PLCXD3: variants seen among roughly 807,000 people sequenced by gnomAD.
The protein encoded by PLCXD3 is PI-PLC X domain-containing protein 3.
A neutral mutation model predicts 25.5 loss-of-function variants in PLCXD3; 19 were observed. The observed-to-expected ratio is 0.75, with a 90% confidence interval of 0.52 to 1.09. PLCXD3 has a LOEUF of 1.09. Ranked by LOEUF, PLCXD3 falls within the 50% of genes least tolerant of loss-of-function variation. PLCXD3 has a pLI of 0.00. For synonymous variants in PLCXD3, 174 were observed against 137.6 expected (o/e 1.26, Z -1.85); for missense variants, 411 against 388.1 (o/e 1.06, Z -0.50).
intron 2 of PLCXD3, among the ~76,000 whole-genome samples, chr5:41,325,429 A>G (rs943029789): frequency 4.6e-5 from 7 of 152,188 alleles, no homozygotes; most frequent in Admixed American, 6.5e-5. Context: ...TTAGGATAGC[A>G]TTTCTTAATC....
At chr5:41,386,890 C>G (rs1745653351) in intron 1 of PLCXD3, among the ~76,000 whole-genome samples, 1 of 151,908 alleles carries the variant, frequency 6.6e-6, no homozygotes, top group Non-Finnish European at 1.5e-5. Context: ...TCCTTATCAC[C>G]AGGAAGTGCA....
At chr5:41,342,821 T>A (rs1370042210) in intron 2 of PLCXD3, among the ~76,000 whole-genome samples, 4 of 152,158 alleles carry the variant, frequency 2.6e-5, no homozygotes, top group Non-Finnish European at 5.9e-5. Context: ...ACTTAGCTAT[T>A]TTAATAAGCT....
Position 41,391,758 on chromosome 5 carries a change from G to A in PLCXD3, c.104-9224C>T, listed in dbSNP as rs143719657. On this transcript the variant is annotated intron_variant, in intron 1 of 2. Coordinates refer to ENST00000377801, the MANE Select transcript of PLCXD3 (RefSeq NM_001005473.3). ...CACCAAGTGGGTTCTTGGGGTCCTC[G>A]ATTTCAGGACTTGACTCTTGAACAG... Among the ~76,000 whole-genome samples, 12 of 152,254 alleles carry A rather than the reference G, an allele frequency of 7.9e-5. 1 individual carries two copies. The highest frequency in any genetic ancestry group is 1.4e-4 in the African/African-American group (6 of 41,564).
chr5:41,488,157 G>C (rs936757999), intron 1 of PLCXD3, among the ~76,000 whole-genome samples: 1 of 149,770 alleles, frequency 6.7e-6, no homozygotes, highest in South Asian at 2.1e-4. Context: ...TCCCACCTAT[G>C]AGTGAGAATA....
chr5:41,400,220 C>G (rs553684345), intron 1 of PLCXD3, among the ~76,000 whole-genome samples: 4 of 152,130 alleles, frequency 2.6e-5, no homozygotes, highest in African/African-American at 7.2e-5. Context: ...GAAAAGGAAA[C>G]GCTTACACAC....
intron 1 of PLCXD3, among the ~76,000 whole-genome samples, chr5:41,443,245 T>A (rs1747422076): frequency 6.6e-6 from 1 of 151,980 alleles, no homozygotes; most frequent in African/African-American, 2.4e-5. Context: ...TATGTTTAGA[T>A]ACCCAAAGAC....
intron 1 of PLCXD3, among the ~76,000 whole-genome samples, chr5:41,400,336 G>T (rs937328641): frequency 6.6e-6 from 1 of 151,912 alleles, no homozygotes; most frequent in African/African-American, 2.4e-5. Flanking sequence ...CCCACTGCTG[G>T]GTATATACCC....
In PLCXD3 at chr5:41,403,398, G is replaced by GTTTTTTTTTTTTTTTTGT. The variant is rs764950342; in HGVS notation, c.104-20865_104-20864insACAAAAAAAAAAAAAAAA. On this transcript the variant is annotated intron_variant, in intron 1 of 2. Transcript: ENST00000377801. The stretch of plus-strand genomic sequence containing the variant: ...GCCATTTACCCAGATTGACTTATTT[G>GTTTTTTTTTTTTTTTTGT]TTGTTTTTTTTTTTTTTTATTATAC... Among the ~76,000 whole-genome samples the GTTTTTTTTTTTTTTTTGT allele has an allele frequency of 1.5e-4, 5 of 33,998 alleles. 1 individual carries two copies. Among genetic ancestry groups the GTTTTTTTTTTTTTTTTGT allele is most frequent in the Non-Finnish European group, 2.6e-4 (4 of 15,344 alleles). The allele number at this position is 33,998 out of a possible 152,430, so 22.3% of individuals were successfully genotyped here. A position where few individuals can be genotyped will look rare whatever the true frequency, so the allele number is the denominator to read the frequency against.
intron 1 of PLCXD3, among the ~76,000 whole-genome samples, chr5:41,489,081 T>G (rs1487518296): frequency 1.3e-5 from 2 of 152,252 alleles, no homozygotes; most frequent in Non-Finnish European, 2.9e-5. Context: ...TTTAAGTCTT[T>G]AACCCACCTT....
At chr5:41,467,538 C>A (rs1249814546) in intron 1 of PLCXD3, among the ~76,000 whole-genome samples, 2 of 152,128 alleles carry the variant, frequency 1.3e-5, no homozygotes, top group Non-Finnish European at 1.5e-5. Flanking sequence ...CTCTGCTGTG[C>A]AGAAGCTTGT....
intron 2 of PLCXD3, among the ~76,000 whole-genome samples, chr5:41,314,077 A>T (rs1223943045): frequency 6.6e-6 from 1 of 152,256 alleles, no homozygotes; most frequent in Non-Finnish European, 1.5e-5. Flanking sequence ...TTCTGATTTA[A>T]CATGGTGTCA....
At chr5:41,364,725 G>A (rs560058858) in intron 2 of PLCXD3, among the ~76,000 whole-genome samples, 1 of 152,118 alleles carries the variant, frequency 6.6e-6, no homozygotes, top group African/African-American at 2.4e-5. Context: ...GCAGTGCAAA[G>A]GCCAACCACA....
At chr5:41,365,911 ATT>A (rs1744922414) in intron 2 of PLCXD3, among the ~76,000 whole-genome samples, 1 of 2,506 alleles carries the variant, frequency 4.0e-4, no homozygotes, top group Admixed American at 3.0e-3. Flanking sequence ...ATAGGTCACC[ATT>A]TATTTATTTA....
At chr5:41,426,379 T>C (rs1484413226) in intron 1 of PLCXD3, among the ~76,000 whole-genome samples, 5 of 152,116 alleles carry the variant, frequency 3.3e-5, no homozygotes, top group Non-Finnish European at 7.4e-5. Flanking sequence ...ATTTATGCTT[T>C]CCAATTGCCA....
chr5:41,451,639 CTCT>C (rs1561277441), intron 1 of PLCXD3, among the ~76,000 whole-genome samples: 1 of 147,920 alleles, frequency 6.8e-6, no homozygotes. Context: ...TCTTTCCTCT[CTCT>C]TTTTTTTTTT....
intron 2 of PLCXD3, among the ~76,000 whole-genome samples, chr5:41,372,732 C>A (rs1409620273): frequency 2.0e-5 from 3 of 151,902 alleles, no homozygotes; most frequent in Admixed American, 1.3e-4. Flanking sequence ...ACCAAAAGGA[C>A]CCCAGAGAAA....
chr5:41,453,081 C>T (rs930587849), intron 1 of PLCXD3, among the ~76,000 whole-genome samples: 2 of 151,914 alleles, frequency 1.3e-5, no homozygotes, highest in Non-Finnish European at 2.9e-5. Context: ...CTATAGTCAC[C>T]ATGTTGTACA....
chr5:41,313,719 A>C lies in PLCXD3; in HGVS notation c.864T>G (p.Ser288Arg). Residue 288 changes from serine (S) to arginine (R), a missense_variant, in exon 3 of 3, where the codon AGT becomes AGG. Ser to Arg is a moderately radical substitution (Grantham distance 110, BLOSUM62 -1). Transcript: ENST00000377801. The stretch of plus-strand genomic sequence containing the variant: ...AATCGGCAGTGACAATATTGATGCC[A>C]CTCTCTCCTGGCTTCTGCGTGCGGA... ...QWVRTQKPGE[S>R]GINIVTADFV... The C allele has an allele frequency of 6.2e-7, 1 of 1,613,552 alleles. No homozygotes were observed. The highest frequency in any genetic ancestry group is 8.5e-7 in the Non-Finnish European group (1 of 1,179,722).
intron 2 of PLCXD3, among the ~76,000 whole-genome samples, chr5:41,373,659 T>C (rs1441216382): frequency 6.6e-6 from 1 of 152,052 alleles, no homozygotes; most frequent in Non-Finnish European, 1.5e-5. Context: ...AATTCTTCAG[T>C]TGAAACTCCT....
Sources: allele counts gnomAD v4.1 joint callset (sites outside exome capture counted in the v4.1 genomes callset), GRCh38; gene constraint gnomAD v4.1.1; transcripts MANE v1.5; gene names NCBI Gene and HGNC (gene_info 2026-07-23, HGNC 2026-07-21).